ANTXR2: variants seen among roughly 807,000 people sequenced by gnomAD.
ANTXR2 encodes the protein anthrax toxin receptor 2.
A neutral mutation model predicts 73.7 loss-of-function variants in ANTXR2; 44 were observed. The ratio of observed to expected loss-of-function variants is 0.60; its 90% CI spans 0.47 to 0.77. The LOEUF (loss-of-function observed/expected upper bound fraction) is 0.77. ANTXR2 is among the 30% of genes least tolerant of loss of function. The pLI, the probability that ANTXR2 is intolerant of heterozygous loss-of-function variation, is 0.00. For missense variants in ANTXR2, 604 were observed against 592.5 expected (o/e 1.02, Z -0.20); for synonymous variants, 217 against 205.9 (o/e 1.05, Z -0.46).
At chr4:79,977,781 A>G (rs1729703967) in intron 15 of ANTXR2, 80 bp from the exon 16 acceptor site, 2 of 1,389,692 alleles carry the variant, frequency 1.4e-6, no homozygotes, top group Non-Finnish European at 2.0e-6. Context: ...CATAAAACGA[A>G]GAAAGTAAAA....
chr4:79,987,274 G>GAA (rs58238337), intron 12 of ANTXR2, among the ~76,000 whole-genome samples: 6 of 118,530 alleles, frequency 5.1e-5, no homozygotes, highest in East Asian at 2.1e-4. Context: ...GCCATTTTAA[G>GAA]AAAAAAAAAA....
intron 10 of ANTXR2, among the ~76,000 whole-genome samples, chr4:80,029,237 T>A (rs1578169209): frequency 6.6e-6 from 1 of 152,212 alleles, no homozygotes; most frequent in East Asian, 1.9e-4. Flanking sequence ...GAAAACAAAA[T>A]CAGTGCCTGG....
chr4:80,041,381 A>T (rs72855839), intron 7 of ANTXR2, among the ~76,000 whole-genome samples: 57,091 of 151,920 alleles, frequency 0.38, 12,450 homozygotes, highest in Non-Finnish European at 0.47. Context: ...AATCTGGCTT[A>T]TTCCTTATCC....
At chr4:80,011,323 C>CTGTCT (rs1450460900) in intron 11 of ANTXR2, among the ~76,000 whole-genome samples, 5 of 150,786 alleles carry the variant, frequency 3.3e-5, no homozygotes, top group African/African-American at 1.2e-4. Flanking sequence ...ATCTGTCTAT[C>CTGTCT]ATCTATCTAT....
intron 10 of ANTXR2, chr4:80,024,535 T>G (rs1578165290): frequency 3.6e-6 from 1 of 279,190 alleles, no homozygotes; most frequent in South Asian, 3.0e-5. Flanking sequence ...CCAAGGCGGG[T>G]GGTTGGCTTG....
At chr4:79,935,416 T>A (rs552952524) in intron 16 of ANTXR2, among the ~76,000 whole-genome samples, 6 of 150,656 alleles carry the variant, frequency 4.0e-5, no homozygotes, top group Non-Finnish European at 7.4e-5. Context: ...ATATCATGGA[T>A]CACAATACGA....
intron 16 of ANTXR2, among the ~76,000 whole-genome samples, chr4:79,911,420 G>A (rs1318337191): frequency 1.3e-5 from 2 of 151,946 alleles, no homozygotes; most frequent in East Asian, 1.9e-4. Flanking sequence ...TAACTAAATG[G>A]TTTAATAAGA....
chr4:79,993,231 G>T (rs1468831383), intron 12 of ANTXR2, among the ~76,000 whole-genome samples: 1 of 151,634 alleles, frequency 6.6e-6, no homozygotes, highest in Admixed American at 6.6e-5. Flanking sequence ...AAGGAAAGAA[G>T]TGAGAAGGGG....
chr4:79,962,835 G>A (rs1243413312), intron 16 of ANTXR2, among the ~76,000 whole-genome samples: 1 of 152,116 alleles, frequency 6.6e-6, no homozygotes, highest in African/African-American at 2.4e-5. Flanking sequence ...TCAAAACAAT[G>A]ATTTTTGGGG....
At chr4:79,988,672 CCAA>C (rs910801804) in intron 12 of ANTXR2, among the ~76,000 whole-genome samples, 40 of 151,852 alleles carry the variant, frequency 2.6e-4, no homozygotes, top group African/African-American at 9.2e-4. Context: ...AACAGAATAC[CCAA>C]CAACAACAGA....
chr4:80,033,670 T>C (rs1732811065), intron 8 of ANTXR2, 100 bp from the exon 9 acceptor site: 1 of 854,630 alleles, frequency 1.2e-6, no homozygotes, highest in Non-Finnish European at 1.8e-6. Context: ...GAATAATTTT[T>C]TTCATACTAT....
intron 16 of ANTXR2, among the ~76,000 whole-genome samples, chr4:79,932,792 C>CAAAAAAAAA (rs57359650): frequency 3.1e-4 from 16 of 52,368 alleles, no homozygotes; most frequent in Non-Finnish European, 4.8e-4. Context: ...AACTCCATCT[C>CAAAAAAAAA]AAAAAAAAAA....
chr4:80,012,415 G>T (rs1164169221), intron 11 of ANTXR2, among the ~76,000 whole-genome samples: 2 of 151,820 alleles, frequency 1.3e-5, no homozygotes, highest in African/African-American at 4.8e-5. Context: ...TCCAATGTCA[G>T]TGTACATAGT....
intron 16 of ANTXR2, among the ~76,000 whole-genome samples, chr4:79,915,829 CCTCT>C (rs71596772): frequency 0.012 from 1,633 of 132,900 alleles, 22 homozygotes; most frequent in African/African-American, 0.031. Flanking sequence ...TGTCTCTCTC[CCTCT>C]CTCTCTCTCT....
chr4:80,002,675 C>T (rs36114828), intron 12 of ANTXR2, among the ~76,000 whole-genome samples: 8 of 151,340 alleles, frequency 5.3e-5, no homozygotes, highest in Non-Finnish European at 8.8e-5. Flanking sequence ...ACAAAGGGCT[C>T]ATATCCAGAA....
rs1578115853 is a variant in ANTXR2 at position 79,963,817 on chromosome 4, A to C, written c.1428+13804T>G. 2.6e-5 allele frequency among the ~76,000 whole-genome samples: 4 copies of C among 152,314 alleles called. No individual in the cohort carries two copies. In the South Asian group the frequency reaches 8.3e-4, roughly 32 times the overall value. The stretch of plus-strand genomic sequence containing the variant: ...GAGTTTTTGCAGTATTTCCATTGAA[A>C]AGTCAACACATTCTTGAATTTTTTG... On this transcript the variant is annotated intron_variant, in intron 16 of 16. Transcript: ENST00000403729.
chr4:79,913,988 T>C (rs1482440628), intron 16 of ANTXR2, among the ~76,000 whole-genome samples: 1 of 152,190 alleles, frequency 6.6e-6, no homozygotes, highest in African/African-American at 2.4e-5. Context: ...AAACTATCTG[T>C]ATATATAGAC....
intron 7 of ANTXR2, among the ~76,000 whole-genome samples, chr4:80,048,683 C>T (rs1005602856): frequency 6.6e-6 from 1 of 151,580 alleles, no homozygotes; most frequent in Admixed American, 6.6e-5. Flanking sequence ...AAATGATTTG[C>T]CTTAAGAGAA....
chr4:80,015,180 T>C (rs1368267938), intron 11 of ANTXR2, among the ~76,000 whole-genome samples: 1 of 152,194 alleles, frequency 6.6e-6, no homozygotes, highest in African/African-American at 2.4e-5. Flanking sequence ...AAGTACCTGC[T>C]TGACATTGCC....
Sources: allele counts gnomAD v4.1 joint callset (sites outside exome capture counted in the v4.1 genomes callset), GRCh38; gene constraint gnomAD v4.1.1; transcripts MANE v1.5; gene names NCBI Gene and HGNC (gene_info 2026-07-23, HGNC 2026-07-21).